Variants in MOV10L1 observed in about 807,000 individuals in gnomAD.
MOV10L1 encodes the protein Mov10 like RNA helicase 1.
A neutral mutation model predicts 143.8 loss-of-function variants in MOV10L1; 110 were observed. The ratio of observed to expected loss-of-function variants is 0.76; its 90% confidence interval spans 0.66 to 0.90. The LOEUF (loss-of-function observed/expected upper bound fraction) is 0.90. Ranked by LOEUF, MOV10L1 falls within the 40% of genes least tolerant of loss-of-function variation. The probability of loss-of-function intolerance (pLI) is 0.00; values close to 1 mark genes in which losing one functional copy is unlikely to be tolerated. For missense variants in MOV10L1, 1,406 were observed against 1,526.8 expected (o/e 0.92, Z 1.32); for synonymous variants, 593 against 581.1 (o/e 1.02, Z -0.29).
At chr22:50,147,832 GT>G (rs1183954895) in intron 19 of MOV10L1, among the ~76,000 whole-genome samples, 1 of 152,232 alleles carries the variant, frequency 6.6e-6, no homozygotes, top group Non-Finnish European at 1.5e-5. Context: ...GGAAATGGCA[GT>G]TTGCTGATTT....
At chr22:50,106,934 C>T (rs553221223) in intron 3 of MOV10L1, among the ~76,000 whole-genome samples, 2 of 151,838 alleles carry the variant, frequency 1.3e-5, no homozygotes, top group African/African-American at 4.8e-5. Flanking sequence ...ATCTCCTGAC[C>T]TCATGATCCA....
chr22:50,143,719 C>A (rs780469050), intron 17 of MOV10L1, among the ~76,000 whole-genome samples: 6 of 152,108 alleles, frequency 3.9e-5, no homozygotes, highest in Non-Finnish European at 7.4e-5. Flanking sequence ...ATCATAAAGT[C>A]AAAAAAGCGT....
Position 50,152,040 on chromosome 22 carries a change from A to C in MOV10L1, c.2893-1005A>C, listed in dbSNP as rs988223293. 1.3e-5 allele frequency among the ~76,000 whole-genome samples: 2 copies of C among 152,222 alleles called. No homozygotes were observed. Among genetic ancestry groups the C allele is most frequent in the African/African-American group, 4.8e-5 (2 of 41,472 alleles). On this transcript the variant is annotated intron_variant, in intron 21 of 26. Transcript: ENST00000262794. The surrounding 1 kb of genome is among the most constrained non-coding windows in gnomAD (Gnocchi z 4.4). ...GATCACATTTGGAGTTTGGAGTAGC[A>C]CGTTGGAGGCTGGACACATTCTATT...
chr22:50,134,797 T>C (rs1483111893), intron 15 of MOV10L1, among the ~76,000 whole-genome samples, 167 bp downstream of exon 15: 2 of 152,162 alleles, frequency 1.3e-5, no homozygotes, highest in African/African-American at 4.8e-5. Flanking sequence ...GTATTAGCGC[T>C]TAGTTGACTG....
At position 50,125,548 on chromosome 22, in the gene MOV10L1, G is replaced by A. The variant is rs2062474998; in HGVS notation, c.1726G>A (p.Gly576Arg). 1.2e-6 allele frequency: 2 copies of A among 1,614,166 alleles called. No individual in the cohort carries two copies. Among genetic ancestry groups the A allele is most frequent in the Non-Finnish European group, 1.7e-6 (2 of 1,180,020 alleles). Residue 576 changes from glycine to arginine, a missense_variant, in exon 11 of 27, where the codon GGG becomes AGG. This residue lies in a region of MOV10L1 where 1,233 missense variants were observed against 1,351.4 expected (regional missense o/e 0.91). Transcript: ENST00000262794. ...LVLEVPGLAEGRPSLYAGDKL... is the reference protein window; with the variant it reads ...LVLEVPGLAERRPSLYAGDKL... ...TCTGGAGGTCCCAGGGTTGGCCGAA[G>A]GGAGGCCTTCTCTCTACGCAGGTGT...
chr22:50,109,721 G>A (rs976961443), intron 5 of MOV10L1: 8 of 188,636 alleles, frequency 4.2e-5, no homozygotes, highest in Middle Eastern at 6.4e-4. Context: ...GTGCACCTCC[G>A]GTCCCAGCTA....
intron 22 of MOV10L1, among the ~76,000 whole-genome samples, chr22:50,154,955 T>C (rs1474928727): frequency 6.6e-6 from 1 of 151,574 alleles, no homozygotes; most frequent in Non-Finnish European, 1.5e-5. Context: ...TTATATTTAA[T>C]CCATTTTGGG....
intron 21 of MOV10L1, among the ~76,000 whole-genome samples, chr22:50,151,676 C>T (rs952190243): frequency 3.3e-5 from 5 of 152,234 alleles, no homozygotes; most frequent in African/African-American, 1.2e-4. Flanking sequence ...CTGCTGTCCC[C>T]CGGAGGTTCG....
intron 5 of MOV10L1, among the ~76,000 whole-genome samples, chr22:50,110,265 T>C (rs945871465): frequency 3.3e-5 from 5 of 151,630 alleles, no homozygotes; most frequent in African/African-American, 9.7e-5. Flanking sequence ...CTGGCTAACA[T>C]GGTGAAACCC....
chr22:50,144,513 T>C (rs2063082291), intron 18 of MOV10L1, among the ~76,000 whole-genome samples: 1 of 152,256 alleles, frequency 6.6e-6, no homozygotes. Context: ...ATTCCTCTTT[T>C]ATTTAATCCC....
At chr22:50,148,820 C>T (rs912583862) in intron 19 of MOV10L1, among the ~76,000 whole-genome samples, 1 of 152,162 alleles carries the variant, frequency 6.6e-6, no homozygotes, top group African/African-American at 2.4e-5. Flanking sequence ...CCCGCCACCA[C>T]ACCCGGCTAA....
chr22:50,144,860 C>G (rs186204825), intron 18 of MOV10L1, among the ~76,000 whole-genome samples: 5 of 152,158 alleles, frequency 3.3e-5, no homozygotes, highest in African/African-American at 1.2e-4. Flanking sequence ...GGATTACAGG[C>G]GTGAGCCACC....
chr22:50,149,478 G>C (rs948835588), intron 19 of MOV10L1, 137 bp from the exon 20 acceptor site: 5 of 722,246 alleles, frequency 6.9e-6, no homozygotes, highest in African/African-American at 5.3e-5. Context: ...GTGACACCCA[G>C]ACCCCCAGCT....
rs149163936 is a variant in MOV10L1 at position 50,099,231 on chromosome 22, C to T, written c.283-212C>T. 3.6e-3 allele frequency among the ~76,000 whole-genome samples: 549 copies of T among 152,328 alleles called. 4 individuals carry two copies. The highest frequency in any genetic ancestry group is 6.7e-3 in the Non-Finnish European group (454 of 68,036). On this transcript the variant is annotated intron_variant, in intron 2 of 26. Coordinates refer to ENST00000262794, the MANE Select transcript of MOV10L1 (RefSeq NM_018995.3). ...GGCAGAGCCCTTATGAAACATACCC[C>T]AGAGAACCCCTTTGCCCTTTCTGCC...
chr22:50,114,706 G>A, intron 7 of MOV10L1, 84 bp downstream of exon 7: 3 of 1,558,876 alleles, frequency 1.9e-6, no homozygotes, highest in Non-Finnish European at 2.6e-6. Context: ...AGGGCGGGCA[G>A]CAGGGGCCAG....
Position 50,092,003 on chromosome 22 carries a change from G to T in MOV10L1, c.100G>T (p.Asp34Tyr), listed in dbSNP as rs1333519605. 1 of 1,612,692 alleles carries T rather than the reference G, an allele frequency of 6.2e-7. No individual in the cohort carries two copies. The highest frequency in any genetic ancestry group is 8.5e-7 in the Non-Finnish European group (1 of 1,179,286). Residue 34 changes from aspartate (D) to tyrosine (Y), a missense_variant and splice_region_variant, in exon 2 of 27, where the codon GAC becomes TAC. Coordinates refer to ENST00000262794, the MANE Select transcript of MOV10L1 (RefSeq NM_018995.3). The stretch of plus-strand genomic sequence containing the variant: ...ACTTCTTTGTTTACCTACCTCAGGT[G>T]ACACTAAGCTGAAAACTGTACGGGG... ...GQLEPELAEG[D>Y]TKLKTVRGVV...
rs530745521 is a variant in MOV10L1, at chr22:50,152,267, G to A, written c.2893-778G>A. Among the ~76,000 whole-genome samples the A allele has an allele frequency of 5.3e-5, 8 of 152,270 alleles. No individual in the cohort carries two copies. The highest frequency in any genetic ancestry group is 1.0e-4 in the Non-Finnish European group (7 of 68,048). On this transcript the variant is annotated intron_variant, in intron 21 of 26. Transcript: ENST00000262794. The surrounding 1 kb of genome is among the most constrained non-coding windows in gnomAD (Gnocchi z 4.4). ...AGGGACAGTCAGTGACAGGAGGGCA[G>A]AGGGTGCAGCATTGCATAGAGAGGA...
At chr22:50,161,308 A>G (rs2147042724) in intron 26 of MOV10L1, 60 bp from the exon 27 acceptor site, 1 of 1,358,248 alleles carries the variant, frequency 7.4e-7, no homozygotes, top group South Asian at 1.4e-5. Context: ...AAAAGAGTGC[A>G]GCTCCCAGCC....
At chr22:50,145,401 G>A (rs970099171) in intron 18 of MOV10L1, among the ~76,000 whole-genome samples, 11 of 152,152 alleles carry the variant, frequency 7.2e-5, no homozygotes, top group South Asian at 2.1e-4. Flanking sequence ...CAGCCTGGGC[G>A]ACAGAGCAAG....
Sources: allele counts gnomAD v4.1 joint callset (sites outside exome capture counted in the v4.1 genomes callset), GRCh38; gene constraint gnomAD v4.1.1; regional missense constraint gnomAD v4.1.1; non-coding constraint Gnocchi (gnomAD v3.1); transcripts MANE v1.5; gene names NCBI Gene and HGNC (gene_info 2026-07-23, HGNC 2026-07-21).